LRBA: variants seen among roughly 807,000 people sequenced by gnomAD.
LRBA encodes the protein LPS responsive beige-like anchor protein, also known as lipopolysaccharide-responsive and beige-like anchor protein.
A neutral mutation model predicts 330.0 loss-of-function variants in LRBA; 176 were observed. That is an observed-to-expected ratio of 0.53 (90% confidence interval 0.47 to 0.60). The LOEUF (loss-of-function observed/expected upper bound fraction) is 0.60, where lower values mean the gene tolerates loss of function less well. Among genes scored for constraint, LRBA ranks in the 20% least tolerant of loss-of-function variants. LRBA has a pLI of 0.00. For synonymous variants in LRBA, 1,230 were observed against 1,193.0 expected, an observed-to-expected ratio of 1.03 and a Z score of -0.64; for missense variants, 3,259 against 3,444.8, an observed-to-expected ratio of 0.95 and a Z score of 1.35.
At chr4:150,887,621 TAGTC>T (rs1241770023) in intron 17 of LRBA, among the ~76,000 whole-genome samples, 6 of 151,312 alleles carry the variant, frequency 4.0e-5, no homozygotes, top group African/African-American at 7.3e-5. Flanking sequence ...ACAAAAAAAT[TAGTC>T]AGGCATGCTG....
chr4:150,680,763 T>G (rs540241286), intron 37 of LRBA, among the ~76,000 whole-genome samples: 1 of 152,294 alleles, frequency 6.6e-6, no homozygotes, highest in African/African-American at 2.4e-5. Context: ...GCACCTGACC[T>G]TCTCTATAAT....
intron 34 of LRBA, among the ~76,000 whole-genome samples, chr4:150,776,252 G>C (rs1737317826): frequency 6.6e-6 from 1 of 152,070 alleles, no homozygotes. Flanking sequence ...AGGAGGCAGA[G>C]ATTGTAGGGA....
chr4:150,352,792 C>T (rs186129418), intron 47 of LRBA, among the ~76,000 whole-genome samples: 1 of 152,292 alleles, frequency 6.6e-6, no homozygotes, highest in East Asian at 1.9e-4. Flanking sequence ...CACATAAAAA[C>T]AGCAATTGTC....
At chr4:150,828,156 A>G in intron 30 of LRBA, 24 bp downstream of exon 30, 1 of 1,606,262 alleles carries the variant, frequency 6.2e-7, no homozygotes, top group Non-Finnish European at 8.5e-7. Context: ...GAAACATACC[A>G]AAACGAAAAA....
chr4:150,443,564 G>A (rs1752120437), intron 44 of LRBA, among the ~76,000 whole-genome samples: 1 of 151,890 alleles, frequency 6.6e-6, no homozygotes, highest in South Asian at 2.1e-4. Context: ...GGATGAAGCT[G>A]GAAACCATCA....
intron 37 of LRBA, among the ~76,000 whole-genome samples, chr4:150,676,136 A>G (rs1782538605): frequency 6.6e-6 from 1 of 152,098 alleles, no homozygotes; most frequent in Non-Finnish European, 1.5e-5. Context: ...TAGCTTATTC[A>G]TTGTCACATA....
At position 150,456,697 on chromosome 4, in the gene LRBA, G is replaced by A. The variant is rs185295016; in HGVS notation, c.6780+10976C>T. Among the ~76,000 whole-genome samples the A allele has an allele frequency of 3.3e-4, 50 of 152,046 alleles. 1 individual carries two copies. Among genetic ancestry groups the A allele is most frequent in the Middle Eastern group, 3.4e-3 (1 of 294 alleles). On this transcript the variant is annotated intron_variant, in intron 44 of 56. Transcript: ENST00000651943. ...TAACTTGATGTGGTCCCATTTGCCC[G>A]TTTTTGCTTTGGTTGCCTGTGCTTA...
chr4:150,862,652 T>C (rs1161377781), intron 22 of LRBA, among the ~76,000 whole-genome samples: 2 of 148,164 alleles, frequency 1.3e-5, no homozygotes, highest in Non-Finnish European at 3.0e-5. Flanking sequence ...GTTGTGTACA[T>C]GTACCCTAGA....
At chr4:150,985,139 A>G (rs1259161341) in intron 2 of LRBA, among the ~76,000 whole-genome samples, 1 of 151,880 alleles carries the variant, frequency 6.6e-6, no homozygotes, top group Non-Finnish European at 1.5e-5. Context: ...GGCGCCTGTA[A>G]TCCCAGCTAC....
chr4:150,867,946 C>A, intron 21 of LRBA, 83 bp from the exon 22 acceptor site: 1 of 1,147,550 alleles, frequency 8.7e-7, no homozygotes, highest in Non-Finnish European at 1.2e-6. Flanking sequence ...CAAAATAACC[C>A]TGCCCCTCCC....
chr4:150,927,372 TAAA>T (rs556103105), intron 4 of LRBA, among the ~76,000 whole-genome samples: 3 of 125,904 alleles, frequency 2.4e-5, no homozygotes, highest in Admixed American at 8.2e-5. Context: ...GACTCTGCCT[TAAA>T]AAAAAAAAAA....
intron 2 of LRBA, among the ~76,000 whole-genome samples, chr4:150,973,844 A>T (rs1292227891): frequency 6.6e-6 from 1 of 152,240 alleles, no homozygotes; most frequent in Admixed American, 6.5e-5. Context: ...AGTAAAAAGC[A>T]AAAGAAACTT....
rs746906994 is a variant in LRBA, at chr4:150,325,825, C to T, written c.7436G>A (p.Gly2479Asp). ...AGCACTTACCACTTGCATGGCAGAA[C>T]CTCTGGGAGGATGGGGCTCTATGAG... ...QLLIEPHPPR[G>D]SAMQVSPLMF... is the part of the protein sequence containing the mutation. Residue 2479 changes from glycine (G) to aspartate (D), a missense_variant, in exon 49 of 57, where the codon GGT (glycine) becomes GAT (aspartate). Transcript: ENST00000651943. 4 of 1,613,098 alleles carry T rather than the reference C, an allele frequency of 2.5e-6. No homozygotes were observed. In the Admixed American group the frequency reaches 6.7e-5, roughly 27 times the overall value.
In LRBA at chr4:150,414,825, C is replaced by T. The variant is rs549962740; in HGVS notation, c.7194+613G>A. 2.0e-5 allele frequency among the ~76,000 whole-genome samples: 3 copies of T among 152,162 alleles called. No homozygotes were observed. In the South Asian group the frequency reaches 6.2e-4, roughly 32 times the overall value. On this transcript the variant is annotated intron_variant, in intron 47 of 56. Coordinates refer to ENST00000651943, the MANE Select transcript of LRBA (RefSeq NM_001364905.1). ...CTTTTAAATACTAAGAATAAAGCTC[C>T]CTGATTCCAAACTTCTGTGAAACTT...
chr4:150,507,596 T>C (rs1761267486), intron 40 of LRBA, among the ~76,000 whole-genome samples: 1 of 152,142 alleles, frequency 6.6e-6, no homozygotes, highest in African/African-American at 2.4e-5. Flanking sequence ...ATTAAAGACT[T>C]ACATGTTAGA....
At position 150,895,767 on chromosome 4, in the gene LRBA, A is replaced by G. The variant is rs181731177; in HGVS notation, c.2067+627T>C. Among the ~76,000 whole-genome samples the G allele has an allele frequency of 4.3e-3, 652 of 152,314 alleles. 4 individuals carry two copies. Among genetic ancestry groups the G allele is most frequent in the African/African-American group, 0.014 (594 of 41,568 alleles). The stretch of plus-strand genomic sequence containing the variant: ...ATACGTGTGCATGTGTCTTTATGGT[A>G]GCATGATTTATAATCCTTTGGGTAT... On this transcript the variant is annotated intron_variant, in intron 16 of 56. Coordinates refer to ENST00000651943, the MANE Select transcript of LRBA (RefSeq NM_001364905.1).
rs938773136 is a variant in LRBA, at chr4:151,001,625, T to C, written c.216+12802A>G. Among the ~76,000 whole-genome samples the C allele has an allele frequency of 3.3e-5, 5 of 151,956 alleles. No individual in the cohort carries two copies. In the South Asian group the frequency reaches 6.2e-4, roughly 19 times the overall value. ...TCTAGAGACTGGCAGGCCTAGACCA[T>C]CACACCCACCGCCAATATACACACA... On this transcript the variant is annotated intron_variant, in intron 2 of 56. Transcript: ENST00000651943.
chr4:150,581,329 T>C (rs1394127619), intron 40 of LRBA: 1 of 451,486 alleles, frequency 2.2e-6, no homozygotes, highest in African/African-American at 2.0e-5. Flanking sequence ...TTATATCCAC[T>C]CCAACCCTCA....
rs140578839 is a variant in LRBA, at chr4:150,518,356, A to G, written c.6331-27321T>C. ...TGCTACTCAGAATGGTGCACAATAT[A>G]AAACATAAATTGTTTATTTTGGGAA... On this transcript the variant is annotated intron_variant, in intron 40 of 56. Coordinates refer to ENST00000651943, the MANE Select transcript of LRBA (RefSeq NM_001364905.1). Among the ~76,000 whole-genome samples the G allele has an allele frequency of 6.8e-3, 1,028 of 152,288 alleles. 48 individuals are homozygous for G. Among genetic ancestry groups the G allele is most frequent in the Admixed American group, 0.059 (903 of 15,286 alleles).
Sources: gnomAD v4.1 joint callset for allele counts (sites outside exome capture counted in the v4.1 genomes callset) on GRCh38, gnomAD v4.1.1 for gene constraint, MANE v1.5 for transcripts, NCBI Gene and HGNC (gene_info 2026-07-23, HGNC 2026-07-21) for gene names.